Variants in TBC1D1 observed in about 807,000 individuals in gnomAD.
TBC1D1 encodes the protein TBC1 (tre-2/USP6, BUB2, cdc16) domain family, member 1.
A neutral mutation model predicts 125.6 loss-of-function variants in TBC1D1; 89 were observed. The ratio of observed to expected loss-of-function variants is 0.71; its 90% confidence interval spans 0.60 to 0.85. The LOEUF (loss-of-function observed/expected upper bound fraction) is 0.85. Among genes scored for constraint, TBC1D1 ranks in the 40% least tolerant of loss-of-function variants. TBC1D1 has a pLI of 0.00. For missense variants in TBC1D1, 1,377 were observed against 1,469.2 expected (o/e 0.94, Z 1.03); for synonymous variants, 565 against 564.1 (o/e 1.00, Z -0.02).
intron 2 of TBC1D1, among the ~76,000 whole-genome samples, chr4:37,974,805 T>C (rs1732737568): frequency 6.7e-6 from 1 of 149,552 alleles, no homozygotes; most frequent in Non-Finnish European, 1.5e-5. Flanking sequence ...GTGATCTACC[T>C]GCCTTGGCCT....
chr4:37,991,631 C>CTTT (rs35297661), intron 2 of TBC1D1, among the ~76,000 whole-genome samples: 2 of 131,512 alleles, frequency 1.5e-5, no homozygotes, highest in Non-Finnish European at 3.2e-5. Context: ...GCTCTTCTCT[C>CTTT]TCTTTTTTTT....
intron 12 of TBC1D1, among the ~76,000 whole-genome samples, chr4:38,082,966 G>A (rs35741948): frequency 0.1 from 15,421 of 152,096 alleles, 876 homozygotes; most frequent in East Asian, 0.13. Flanking sequence ...CTTGCTCCTG[G>A]TCCTTGTTTC....
intron 2 of TBC1D1, among the ~76,000 whole-genome samples, chr4:37,947,299 G>A (rs2152313405): frequency 6.6e-6 from 1 of 152,278 alleles, no homozygotes; most frequent in South Asian, 2.1e-4. Context: ...TGGGACTACA[G>A]GCGTGCGCCA....
intron 2 of TBC1D1, among the ~76,000 whole-genome samples, chr4:37,905,307 A>G (rs907024732): frequency 2.6e-5 from 4 of 152,258 alleles, no homozygotes; most frequent in African/African-American, 9.6e-5. Context: ...ACACTTTTGT[A>G]AGCAATGTTA....
At chr4:38,003,868 CA>C (rs5857592) in intron 2 of TBC1D1, among the ~76,000 whole-genome samples, 78,235 of 125,328 alleles carry the variant, frequency 0.62, 22,531 homozygotes, top group East Asian at 0.87. Context: ...GACCCTGTCT[CA>C]AAAAAAAAAA....
intron 2 of TBC1D1, among the ~76,000 whole-genome samples, chr4:37,955,163 G>T (rs1728684437): frequency 6.6e-6 from 1 of 151,926 alleles, no homozygotes; most frequent in Admixed American, 6.6e-5. Flanking sequence ...TAAAAACCAT[G>T]TATAATCTAA....
At chr4:37,943,465 C>A (rs1279346191) in intron 2 of TBC1D1, among the ~76,000 whole-genome samples, 12 of 152,172 alleles carry the variant, frequency 7.9e-5, no homozygotes, top group Non-Finnish European at 1.6e-4. Context: ...CATCACTTTC[C>A]AGTACACCAA....
At chr4:37,965,127 G>A (rs1730827768) in intron 2 of TBC1D1, among the ~76,000 whole-genome samples, 1 of 152,230 alleles carries the variant, frequency 6.6e-6, no homozygotes, top group Non-Finnish European at 1.5e-5. Context: ...AACAGAATAA[G>A]TAATACCTTG....
At chr4:38,017,824 G>A (rs983726100) in intron 3 of TBC1D1, among the ~76,000 whole-genome samples, 1 of 152,174 alleles carries the variant, frequency 6.6e-6, no homozygotes, top group Non-Finnish European at 1.5e-5. Context: ...TTGCAACACA[G>A]CAGTCTCCTA....
intron 19 of TBC1D1, among the ~76,000 whole-genome samples, chr4:38,133,912 C>A (rs1766026766): frequency 6.6e-6 from 1 of 152,210 alleles, no homozygotes; most frequent in Non-Finnish European, 1.5e-5. Context: ...ACCCCCACCC[C>A]CACATCACCC....
At chr4:37,994,613 A>C (rs912099261) in intron 2 of TBC1D1, among the ~76,000 whole-genome samples, 1 of 148,782 alleles carries the variant, frequency 6.7e-6, no homozygotes, top group Admixed American at 6.8e-5. Context: ...TACCCAAGCC[A>C]AAGGCATTTT....
At chr4:38,040,502 T>C (rs1398710895) in intron 8 of TBC1D1, among the ~76,000 whole-genome samples, 2 of 152,180 alleles carry the variant, frequency 1.3e-5, no homozygotes, top group Non-Finnish European at 2.9e-5. Context: ...TTGGATGGGA[T>C]GTTCTCCGTC....
chr4:37,904,127 A>G (rs1716776536), intron 2 of TBC1D1, among the ~76,000 whole-genome samples: 1 of 152,244 alleles, frequency 6.6e-6, no homozygotes, highest in African/African-American at 2.4e-5. Flanking sequence ...TATTTATCCA[A>G]TAGAGTTGCT....
At chr4:38,032,306 G>A (rs554845237) in intron 7 of TBC1D1, among the ~76,000 whole-genome samples, 14 of 151,654 alleles carry the variant, frequency 9.2e-5, no homozygotes, top group East Asian at 3.9e-4. Flanking sequence ...GGGATAGAGC[G>A]AGATGCTGTC....
At chr4:38,132,966 A>G (rs1373157808) in intron 18 of TBC1D1, 118 bp from the exon 21 acceptor site, 3 of 754,648 alleles carry the variant, frequency 4.0e-6, no homozygotes, top group Non-Finnish European at 4.3e-6. Context: ...TACCAAGTGT[A>G]GAGCTAAGCG....
chr4:38,006,855 A>G, intron 2 of TBC1D1: 1 of 508,516 alleles, frequency 2.0e-6, no homozygotes, highest in South Asian at 1.4e-5. Flanking sequence ...TTCTTTTGTC[A>G]TCTTTGCTCA....
rs187542628 is a variant in TBC1D1 at position 37,934,335 on chromosome 4, C to A, written c.417+31823C>A. ...GCGTCCCAGAGGCTGTACCCAGGCA[C>A]GTGGACATCAGGCTCCCCAGACAAC... On this transcript the variant is annotated intron_variant, in intron 2 of 19. Transcript: ENST00000261439. Among the ~76,000 whole-genome samples, 255 of 152,218 alleles carry A rather than the reference C, an allele frequency of 1.7e-3. 1 individual carries two copies. Among genetic ancestry groups the A allele is most frequent in the South Asian group, 5.0e-3 (24 of 4,830 alleles).
intron 7 of TBC1D1, among the ~76,000 whole-genome samples, chr4:38,030,159 A>C (rs1745860907): frequency 2.0e-5 from 3 of 152,212 alleles, no homozygotes; most frequent in Admixed American, 2.0e-4. Context: ...AAACAGTGTG[A>C]TGAATCAGTA....
intron 2 of TBC1D1, among the ~76,000 whole-genome samples, chr4:37,953,902 C>G (rs1728387068): frequency 6.6e-6 from 1 of 152,100 alleles, no homozygotes; most frequent in African/African-American, 2.4e-5. Flanking sequence ...AACAACATTG[C>G]CAGGGAGCCC....
Sources: allele counts gnomAD v4.1 joint callset (sites outside exome capture counted in the v4.1 genomes callset), GRCh38; gene constraint gnomAD v4.1.1; transcripts MANE v1.5; gene names NCBI Gene and HGNC (gene_info 2026-07-23, HGNC 2026-07-21).